The following SLC4A3 variants were observed in gnomAD, a reference collection of about 807,000 sequenced individuals.
SLC4A3 encodes the protein solute carrier family 4 member 3, also known as anion exchange protein 3.
A neutral mutation model predicts 114.2 loss-of-function variants in SLC4A3; 47 were observed. That is an observed-to-expected ratio of 0.41 (90% CI 0.33 to 0.52). The LOEUF (loss-of-function observed/expected upper bound fraction) is 0.52, where lower values mean the gene tolerates loss of function less well. SLC4A3 is among the 20% of genes least tolerant of loss of function. The probability of loss-of-function intolerance (pLI) is 0.21; values close to 1 mark genes in which losing one functional copy is unlikely to be tolerated. For synonymous variants in SLC4A3, 693 were observed against 710.3 expected, an observed-to-expected ratio of 0.98 and a Z score of 0.39; for missense variants, 1,312 against 1,668.3, an observed-to-expected ratio of 0.79 and a Z score of 3.72.
chr2:219,637,769 C>T lies in SLC4A3; in HGVS notation c.2724C>T (p.Phe908=). The part of the protein sequence containing the change: ...ILMLGTFFIA[F]FLRKFRNSRF... ...TGCTCGGGACCTTCTTCATAGCCTTCTTCCTGCGCAAGTTCAGGAACAGCC... is the reference window on the plus strand; with the variant it reads ...TGCTCGGGACCTTCTTCATAGCCTTTTTCCTGCGCAAGTTCAGGAACAGCC... The change falls in exon 17 of 23, where the codon TTC becomes TTT. Residue 908 remains phenylalanine (F), a synonymous_variant. Coordinates refer to ENST00000358055, the MANE Select transcript of SLC4A3 (RefSeq NM_005070.4). This position sits in a 1 kb window ranked among gnomAD's most constrained non-coding sequence, Gnocchi z 4.6. The T allele has an allele frequency of 1.2e-6, 2 of 1,613,982 alleles. No individual in the cohort carries two copies. Among genetic ancestry groups the T allele is most frequent in the African/African-American group, 1.3e-5 (1 of 75,024 alleles).
chr2:219,627,908 G>A lies in SLC4A3; in HGVS notation c.-85G>A. 2 of 1,054,418 alleles carry A rather than the reference G, an allele frequency of 1.9e-6. No individual in the cohort carries two copies. Among genetic ancestry groups the A allele is most frequent in the South Asian group, 2.7e-5 (2 of 73,332 alleles). The allele number at this position is 1,054,418 out of a possible 1,614,324, so 65.3% of individuals were successfully genotyped here. On this transcript the variant is annotated 5_prime_UTR_variant, in exon 2 of 23. Transcript: ENST00000358055. ...CCGCCCTCCTCCCCCAGGGCTCCCCGCTAGGCCCCCTCAGTGGCCCCTCCT... is the reference window on the plus strand; with the variant it reads ...CCGCCCTCCTCCCCCAGGGCTCCCCACTAGGCCCCCTCAGTGGCCCCTCCT...
chr2:219,632,565 C>T (rs915236062), intron 8 of SLC4A3, 123 bp downstream of exon 8: 9 of 1,181,774 alleles, frequency 7.6e-6, no homozygotes, highest in East Asian at 5.2e-5. Context: ...CACCTGGGAC[C>T]GTGGGGGTCC....
rs1699147333 is a variant in SLC4A3 at position 219,637,193 on chromosome 2, AGTG to A, written c.2535+320_2535+322del. Reference sequence around the variant, plus strand: ...GTCCTTGGGTCACCTTTTGTAGAGGAGTGTGTGTGTGTGTGTGGGTGTGGGTGT... The same window carrying A: ...GTCCTTGGGTCACCTTTTGTAGAGGATGTGTGTGTGTGTGGGTGTGGGTGT... On this transcript the variant is annotated intron_variant, in intron 16 of 22. Coordinates refer to ENST00000358055, the MANE Select transcript of SLC4A3 (RefSeq NM_005070.4). This position sits in a 1 kb window ranked among gnomAD's most constrained non-coding sequence, Gnocchi z 4.6. 6.8e-6 allele frequency among the ~76,000 whole-genome samples: 1 copy of A among 147,836 alleles called. No individual in the cohort carries two copies.
chr2:219,636,849 A>G lies in SLC4A3; in HGVS notation c.2510A>G (p.Tyr837Cys). The part of the protein sequence containing the change: ...FAFLISLIFI[Y>C]ETFYKLYKVF... The stretch of plus-strand genomic sequence containing the variant: ...TTTCTCATCTCACTCATTTTCATCT[A>G]CGAGACCTTCTACAAGCTCTACAAG... Residue 837 changes from tyrosine to cysteine, a missense_variant, in exon 16 of 23, where the codon TAC becomes TGC. By Grantham distance (194) the Tyr-to-Cys change is radical (BLOSUM62 -2). Coordinates refer to ENST00000358055, the MANE Select transcript of SLC4A3 (RefSeq NM_005070.4). The surrounding 1 kb of genome is among the most constrained non-coding windows in gnomAD (Gnocchi z 5.5). The G allele has an allele frequency of 2.5e-6, 4 of 1,613,628 alleles. No homozygotes were observed. The highest frequency in any genetic ancestry group is 3.4e-6 in the Non-Finnish European group (4 of 1,179,874).
In SLC4A3 at chr2:219,639,879, C is replaced by A; in HGVS notation, c.3277+144C>A. On this transcript the variant is annotated intron_variant, in intron 20 of 22. Transcript: ENST00000358055. This position sits in a 1 kb window ranked among gnomAD's most constrained non-coding sequence, Gnocchi z 5.9. ...CCCCAAACCTGCTTCCCAGCACTCC[C>A]CTAGCCCTTTACTCCTGGAGTCCTT... 9.6e-7 allele frequency: 1 copy of A among 1,041,376 alleles called. No individual in the cohort carries two copies. The highest frequency in any genetic ancestry group is 1.4e-6 in the Non-Finnish European group (1 of 722,934). The allele number at this position is 1,041,376 out of a possible 1,614,324, so 64.5% of individuals were successfully genotyped here. A position where few individuals can be genotyped will look rare whatever the true frequency, so the allele number is the denominator to read the frequency against.
At chr2:219,629,886 G>C (rs116193715) in intron 5 of SLC4A3, among the ~76,000 whole-genome samples, 191 bp downstream of exon 5, 4,884 of 144,270 alleles carry the variant, frequency 0.034, 163 homozygotes, top group African/African-American at 0.075. Flanking sequence ...AGAACAAGGG[G>C]GGGGGGAGAA....
chr2:219,629,865 A>C (rs973533215), intron 5 of SLC4A3, among the ~76,000 whole-genome samples, 170 bp downstream of exon 5: 1 of 75,340 alleles, frequency 1.3e-5, no homozygotes, highest in Non-Finnish European at 2.7e-5. Flanking sequence ...CTCATGATTT[A>C]CAAGGAGGAG....
Position 219,631,274 on chromosome 2 carries a change from T to C in SLC4A3, c.812-694T>C. The C allele has an allele frequency of 7.7e-7, 1 of 1,294,162 alleles. No homozygotes were observed. Among genetic ancestry groups the C allele is most frequent in the South Asian group, 1.2e-5 (1 of 80,490 alleles). 80.2% of individuals were successfully genotyped at this position (1,294,162 alleles called of 1,614,324 possible). On this transcript the variant is annotated intron_variant, in intron 6 of 22. Coordinates refer to ENST00000358055, the MANE Select transcript of SLC4A3 (RefSeq NM_005070.4). This position sits in a 1 kb window ranked among gnomAD's most constrained non-coding sequence, Gnocchi z 6.3. ...CACTGGAGAAGGACCCTGAGCCCAA[T>C]GGGGCACTGAGCCCTGGGCCTGGGG...
Position 219,633,296 on chromosome 2 carries a change from A to C in SLC4A3, c.1300A>C (p.Ser434Arg). 1 of 1,577,480 alleles carries C rather than the reference A, an allele frequency of 6.3e-7. No homozygotes were observed. Among genetic ancestry groups the C allele is most frequent in the Non-Finnish European group, 8.6e-7 (1 of 1,160,234 alleles). Residue 434 changes from serine (S) to arginine (R), a missense_variant, in exon 10 of 23, where the codon AGT (serine) becomes CGT (arginine). Physicochemically the swap from Ser to Arg is moderately radical, Grantham distance 110. Transcript: ENST00000358055. Reference protein sequence around the residue: ...KHSHPNDDKDSGFFPRNPSSS... With the variant: ...KHSHPNDDKDRGFFPRNPSSS... ...CAGCCATCCCAACGATGACAAGGACAGTGGCTTCTTTCCCCGAAACCCATC... is the reference window on the plus strand; with the variant it reads ...CAGCCATCCCAACGATGACAAGGACCGTGGCTTCTTTCCCCGAAACCCATC...
At chr2:219,627,782 A>C in intron 1 of SLC4A3, 37 bp downstream of exon 1, 1 of 389,552 alleles carries the variant, frequency 2.6e-6, no homozygotes. Flanking sequence ...AGGGCGGGGG[A>C]CCCGGGCTGT....
intron 20 of SLC4A3, 120 bp from the exon 21 acceptor site, chr2:219,640,310 G>T: frequency 9.1e-7 from 1 of 1,103,984 alleles, no homozygotes; most frequent in Non-Finnish European, 1.3e-6. Flanking sequence ...CTCCCCCCAG[G>T]CCTCTCCATC....
chr2:219,636,915 G>T lies in SLC4A3; in HGVS notation c.2535+41G>T, dbSNP rs1318164013. The T allele has an allele frequency of 8.5e-6, 13 of 1,528,734 alleles. No individual in the cohort carries two copies. The highest frequency in any genetic ancestry group is 1.2e-5 in the Non-Finnish European group (13 of 1,108,368). The allele number at this position is 1,528,734 out of a possible 1,614,324, so 94.7% of individuals were successfully genotyped here. A position where few individuals can be genotyped will look rare whatever the true frequency, so the allele number is the denominator to read the frequency against. On this transcript the variant is annotated intron_variant, in intron 16 of 22. Transcript: ENST00000358055. This position sits in a 1 kb window ranked among gnomAD's most constrained non-coding sequence, Gnocchi z 5.5. ...GGTCTTGGGGGTGGCAGAGATGGAG[G>T]TGGACATTGCCCTGGGGAGGACAGC...
chr2:219,637,941 T>G lies in SLC4A3; in HGVS notation c.2766+130T>G. The G allele has an allele frequency of 6.7e-6, 5 of 750,580 alleles. 1 individual carries two copies. In the South Asian group the frequency reaches 8.6e-5, roughly 13 times the overall value. 46.5% of individuals were successfully genotyped at this position (750,580 alleles called of 1,614,324 possible). ...CCCAGCTCGGGCAGCCCCTCACCCC[T>G]TCGGAAGCCTCTTCCCTGGGTGTCT... On this transcript the variant is annotated intron_variant, in intron 17 of 22. Transcript: ENST00000358055. The surrounding 1 kb of genome is among the most constrained non-coding windows in gnomAD (Gnocchi z 4.6).
Position 219,636,673 on chromosome 2 carries a change from C to A in SLC4A3, c.2341-7C>A. ...TGTGGGTAACGACCGCTCCTACCCC[C>A]ACCTAGTTCTGCCGAGCCCAGGACC... On this transcript the variant is annotated splice_region_variant and splice_polypyrimidine_tract_variant and intron_variant, in intron 15 of 22. Coordinates refer to ENST00000358055, the MANE Select transcript of SLC4A3 (RefSeq NM_005070.4). This position sits in a 1 kb window ranked among gnomAD's most constrained non-coding sequence, Gnocchi z 5.5. 1.2e-6 allele frequency: 2 copies of A among 1,611,894 alleles called. No individual in the cohort carries two copies. The highest frequency in any genetic ancestry group is 3.3e-5 in the Admixed American group (2 of 59,860).
intron 20 of SLC4A3, 56 bp from the exon 21 acceptor site, chr2:219,640,374 G>C (rs1207808237): frequency 1.9e-6 from 3 of 1,562,818 alleles, no homozygotes; most frequent in Non-Finnish European, 2.6e-6. Flanking sequence ...TTCCAGGCCT[G>C]TCCATCCTCA....
chr2:219,638,227 T>G lies in SLC4A3; in HGVS notation c.2830T>G (p.Tyr944Asp), dbSNP rs1243710080. The G allele has an allele frequency of 1.2e-6, 2 of 1,612,582 alleles. No individual in the cohort carries two copies. The highest frequency in any genetic ancestry group is 1.7e-5 in the Admixed American group (1 of 59,894). ...CATCCTGGTGATGGTCCTGGTGGATTACTCCATCACAGACACCTACACGCA... is the reference window on the plus strand; with the variant it reads ...CATCCTGGTGATGGTCCTGGTGGATGACTCCATCACAGACACCTACACGCA... ...ISILVMVLVD[Y>D]SITDTYTQKL... The change falls in exon 18 of 23, where the codon TAC becomes GAC. Residue 944 changes from tyrosine to aspartate, a missense_variant. Physicochemically the swap from Tyr to Asp is radical, Grantham distance 160. Around this residue, in one of 4 missense-constraint regions of SLC4A3, gnomAD observed 301 missense variants for 460.7 expected, o/e 0.65. Coordinates refer to ENST00000358055, the MANE Select transcript of SLC4A3 (RefSeq NM_005070.4). This position sits in a 1 kb window ranked among gnomAD's most constrained non-coding sequence, Gnocchi z 7.5.
rs376530369 is a variant in SLC4A3, at chr2:219,629,125, G to A, written c.218-19G>A. On this transcript the variant is annotated intron_variant, in intron 3 of 22. Coordinates refer to ENST00000358055, the MANE Select transcript of SLC4A3 (RefSeq NM_005070.4). ...TGTTTCTGCTGTGGGGGCCTCAACC[G>A]GATCTCCTGCACCCCCAGTTCACCG... is the stretch of plus-strand genomic sequence containing the variant. 1 of 1,554,052 alleles carries A rather than the reference G, an allele frequency of 6.4e-7. No individual in the cohort carries two copies. Among genetic ancestry groups the A allele is most frequent in the African/African-American group, 1.4e-5 (1 of 73,140 alleles).
In SLC4A3 at chr2:219,639,390, C is replaced by T. The variant is rs941466899; in HGVS notation, c.3024-92C>T. ...GGGAGAACTGTTGTCTGCACGTCCT[C>T]CCCCCACCATCTCGTCTCTGTGTGC... On this transcript the variant is annotated intron_variant, in intron 19 of 22. Coordinates refer to ENST00000358055, the MANE Select transcript of SLC4A3 (RefSeq NM_005070.4). The surrounding 1 kb of genome is among the most constrained non-coding windows in gnomAD (Gnocchi z 5.9). 7 of 1,448,200 alleles carry T rather than the reference C, an allele frequency of 4.8e-6. No homozygotes were observed. The African/African-American group carries it at 7.0e-5, about 14-fold the overall frequency. 89.7% of individuals were successfully genotyped at this position (1,448,200 alleles called of 1,614,324 possible). A position where few individuals can be genotyped will look rare whatever the true frequency, so the allele number is the denominator to read the frequency against.
At position 219,630,435 on chromosome 2, in the gene SLC4A3, GTCCC is replaced by G; in HGVS notation, c.811+84_811+87del. ...AGTGACCTTGGAGAGGCTCTGAGCT[GTCCC>G]CTGCTAAGGGCTGAGTCCTCTCTGA... On this transcript the variant is annotated intron_variant, in intron 6 of 22. Transcript: ENST00000358055. This position sits in a 1 kb window ranked among gnomAD's most constrained non-coding sequence, Gnocchi z 6.9. 2.1e-6 allele frequency: 3 copies of G among 1,439,340 alleles called. No individual in the cohort carries two copies. The highest frequency in any genetic ancestry group is 2.8e-6 in the Non-Finnish European group (3 of 1,071,244). The allele number at this position is 1,439,340 out of a possible 1,614,324, so 89.2% of individuals were successfully genotyped here.
Sources: allele counts gnomAD v4.1 joint callset (sites outside exome capture counted in the v4.1 genomes callset), GRCh38; gene constraint gnomAD v4.1.1; regional missense constraint gnomAD v4.1.1; non-coding constraint Gnocchi (gnomAD v3.1); transcripts MANE v1.5; gene names NCBI Gene and HGNC (gene_info 2026-07-23, HGNC 2026-07-21).